SLC24A2: variants seen among roughly 807,000 people sequenced by gnomAD.
SLC24A2 encodes sodium/potassium/calcium exchanger 2.
SLC24A2 carries 36 observed loss-of-function variants against 62.0 expected under a neutral mutation model. The ratio of observed to expected loss-of-function variants is 0.58; its 90% CI spans 0.44 to 0.77. The LOEUF (loss-of-function observed/expected upper bound fraction) is 0.77, where lower values mean the gene tolerates loss of function less well. Among genes scored for constraint, SLC24A2 ranks in the 30% least tolerant of loss-of-function variants. SLC24A2 has a pLI of 0.00. For synonymous variants in SLC24A2, 358 were observed against 294.0 expected, an observed-to-expected ratio of 1.22 and a Z score of -2.23; for missense variants, 846 against 817.9, an observed-to-expected ratio of 1.03 and a Z score of -0.42.
chr9:19,989,355 G>A, the SLC24A2 span, among the ~76,000 whole-genome samples: 642 of 152,038 alleles, frequency 4.2e-3, 4 homozygotes, highest in African/African-American at 0.014. Flanking sequence ...AGAATGAGTC[G>A]CTCTTAACAT....
At chr9:19,881,259 G>C in the SLC24A2 span, among the ~76,000 whole-genome samples, 4 of 152,172 alleles carry the variant, frequency 2.6e-5, no homozygotes, top group Admixed American at 2.0e-4. Flanking sequence ...GAGGGGAAGA[G>C]ACTAGACGAG....
In SLC24A2 at chr9:19,788,498, ATAGG is replaced by A. The variant is rs1254660170; in HGVS notation, c.-154+383_-154+386del. ...GTCCCAAACTTTCCCTGGTGGATTA[ATAGG>A]AAAATAAATCTAAAGGACAGACGCC... is the stretch of plus-strand genomic sequence containing the variant. On this transcript the variant is annotated intron_variant, in intron 1 of 10. Coordinates refer to ENST00000341998, the MANE Select transcript of SLC24A2 (RefSeq NM_020344.4). 9 of 985,258 alleles carry A rather than the reference ATAGG, an allele frequency of 9.1e-6. No individual in the cohort carries two copies. The African/African-American group carries it at 1.4e-4, about 15-fold the overall frequency. 61.0% of individuals were successfully genotyped at this position (985,258 alleles called of 1,614,324 possible).
the SLC24A2 span, among the ~76,000 whole-genome samples, chr9:20,075,250 C>A: frequency 2.0e-5 from 3 of 152,130 alleles, no homozygotes; most frequent in Non-Finnish European, 4.4e-5. Context: ...GTGCCTAACA[C>A]CATGTTGAGT....
At chr9:20,100,179 T>G in the SLC24A2 span, among the ~76,000 whole-genome samples, 1 of 118,214 alleles carries the variant, frequency 8.5e-6, no homozygotes, top group Non-Finnish European at 1.8e-5. Flanking sequence ...GCTAACTTTT[T>G]GTGTGTGTGT....
At chr9:20,210,860 G>T in the SLC24A2 span, among the ~76,000 whole-genome samples, 432 of 151,634 alleles carry the variant, frequency 2.8e-3, 4 homozygotes, top group African/African-American at 0.01. Flanking sequence ...TAAGCAAGGA[G>T]AGGGGAGAGG....
the SLC24A2 span, among the ~76,000 whole-genome samples, chr9:20,115,575 GAA>G: frequency 6.6e-6 from 1 of 152,144 alleles, no homozygotes; most frequent in Non-Finnish European, 1.5e-5. Flanking sequence ...TGAACAGAAA[GAA>G]GAGTATCCAA....
intron 5 of SLC24A2, among the ~76,000 whole-genome samples, chr9:19,581,226 G>A (rs180914511): frequency 6.6e-6 from 1 of 152,108 alleles, no homozygotes; most frequent in African/African-American, 2.4e-5. Context: ...CACTTGATTA[G>A]AAAAAGGATC....
chr9:20,105,574 T>A, the SLC24A2 span, among the ~76,000 whole-genome samples: 10 of 152,122 alleles, frequency 6.6e-5, no homozygotes, highest in African/African-American at 2.4e-4. Context: ...ACATGGAAAC[T>A]GAACAACCTG....
the SLC24A2 span, among the ~76,000 whole-genome samples, chr9:19,904,009 C>A: frequency 1.3e-5 from 2 of 152,166 alleles, no homozygotes; most frequent in East Asian, 3.8e-4. Context: ...GCCAGTACAT[C>A]ACCTCAGCAG....
chr9:20,197,458 G>A, the SLC24A2 span, among the ~76,000 whole-genome samples: 7 of 137,656 alleles, frequency 5.1e-5, no homozygotes, highest in Admixed American at 3.0e-4. Flanking sequence ...TTGAGACTGG[G>A]TCTCACTCTG....
At chr9:20,023,483 G>T in the SLC24A2 span, among the ~76,000 whole-genome samples, 1 of 152,126 alleles carries the variant, frequency 6.6e-6, no homozygotes, top group Non-Finnish European at 1.5e-5. Context: ...CTTTGTAGCT[G>T]TCACTCATTG....
At chr9:20,086,950 T>C in the SLC24A2 span, among the ~76,000 whole-genome samples, 1 of 152,176 alleles carries the variant, frequency 6.6e-6, no homozygotes, top group Non-Finnish European at 1.5e-5. Context: ...CCATCTATGC[T>C]CTTCCCTAGA....
the SLC24A2 span, among the ~76,000 whole-genome samples, chr9:19,882,779 T>A: frequency 1.3e-5 from 2 of 152,102 alleles, no homozygotes; most frequent in East Asian, 3.8e-4. Context: ...GCTCAATGAT[T>A]CAAATAAAAG....
At chr9:19,868,631 C>T in the SLC24A2 span, among the ~76,000 whole-genome samples, 4 of 151,960 alleles carry the variant, frequency 2.6e-5, no homozygotes, top group South Asian at 6.2e-4. Flanking sequence ...TTTTACTTAA[C>T]GTATTTTGAA....
intron 2 of SLC24A2, among the ~76,000 whole-genome samples, chr9:19,624,194 T>C (rs1817976515): frequency 6.6e-6 from 1 of 152,174 alleles, no homozygotes; most frequent in Admixed American, 6.6e-5. Context: ...AAGCTCAGCC[T>C]TTAGACATAC....
chr9:20,025,775 C>T, the SLC24A2 span, among the ~76,000 whole-genome samples: 1 of 152,124 alleles, frequency 6.6e-6, no homozygotes, highest in Non-Finnish European at 1.5e-5. Flanking sequence ...GTGGAAATGA[C>T]ATCTATAAGA....
chr9:19,591,489 C>T (rs1327433952), intron 5 of SLC24A2, among the ~76,000 whole-genome samples: 1 of 152,144 alleles, frequency 6.6e-6, no homozygotes, highest in Non-Finnish European at 1.5e-5. Context: ...TTCCAAATTG[C>T]CTTGAAACTA....
At chr9:19,846,813 G>A in the SLC24A2 span, among the ~76,000 whole-genome samples, 1 of 151,984 alleles carries the variant, frequency 6.6e-6, no homozygotes, top group African/African-American at 2.4e-5. Flanking sequence ...GATTGCTTGA[G>A]CCCAGTAGTT....
chr9:19,817,205 C>A, the SLC24A2 span, among the ~76,000 whole-genome samples: 4 of 151,994 alleles, frequency 2.6e-5, no homozygotes, highest in Non-Finnish European at 4.4e-5. Context: ...CTGCTTCAGT[C>A]TGCCAGCTTG....
Sources: allele counts gnomAD v4.1 joint callset (sites outside exome capture counted in the v4.1 genomes callset), GRCh38; gene constraint gnomAD v4.1.1; transcripts MANE v1.5; gene names NCBI Gene and HGNC (gene_info 2026-07-23, HGNC 2026-07-21).